Variants in FCAMR observed in about 807,000 individuals in gnomAD.
The protein encoded by FCAMR is Fc alpha and mu receptor, also known as high affinity immunoglobulin alpha and immunoglobulin mu Fc receptor.
FCAMR carries 51 observed loss-of-function variants against 52.2 expected under a neutral mutation model. The observed-to-expected ratio is 0.98, with a 90% CI of 0.78 to 1.23. The LOEUF is 1.23. FCAMR is among the 50% of genes most tolerant of loss of function. FCAMR has a pLI of 0.00. For synonymous variants in FCAMR, 282 were observed against 262.0 expected, an observed-to-expected ratio of 1.08 and a Z score of -0.74; for missense variants, 719 against 712.6, an observed-to-expected ratio of 1.01 and a Z score of -0.10.
At chr1:206,966,014 T>C in intron 3 of FCAMR, 156 bp from the exon 4 acceptor site, 1 of 949,318 alleles carries the variant, frequency 1.1e-6, no homozygotes, top group Non-Finnish European at 1.6e-6. Context: ...TCCTGCAGCT[T>C]CTCCCTCCCA....
chr1:206,961,180 C>T lies in FCAMR; in HGVS notation c.696G>A (p.Glu232=), dbSNP rs1189453584. The T allele has an allele frequency of 6.4e-7, 1 of 1,551,228 alleles. No individual in the cohort carries two copies. Among genetic ancestry groups the T allele is most frequent in the African/African-American group, 1.4e-5 (1 of 73,012 alleles). ...TLPTATPAAG[E]LTMRSYGTAS... ...CTGTTCCATAGGATCTCATGGTGAG[C>T]TCCCCAGCAGCTGGAGTGGCTGTGG... The change falls in exon 6 of 8, where the codon GAG becomes GAA. Residue 232 remains glutamate (E), a synonymous_variant. Coordinates refer to ENST00000324852, the MANE Select transcript of FCAMR (RefSeq NM_001170631.2).
Position 206,970,139 on chromosome 1 carries a change from C to G in FCAMR, c.-14G>C, listed in dbSNP as rs1381123958. 6.2e-7 allele frequency: 1 copy of G among 1,613,852 alleles called. No individual in the cohort carries two copies. The highest frequency in any genetic ancestry group is 8.5e-7 in the Non-Finnish European group (1 of 1,179,918). On this transcript the variant is annotated 5_prime_UTR_variant, in exon 1 of 8. Transcript: ENST00000324852. Reference sequence around the variant, plus strand: ...CTCTCCATCCATCTCAGTCCAGAAACAAGATCCAGGTGGACTTTTCTTCTC... The same window carrying G: ...CTCTCCATCCATCTCAGTCCAGAAAGAAGATCCAGGTGGACTTTTCTTCTC...
rs1172532036 is a variant in FCAMR at position 206,962,255 on chromosome 1, T to C, written c.610A>G (p.Asn204Asp). The C allele has an allele frequency of 3.1e-6, 5 of 1,614,156 alleles. No homozygotes were observed. The highest frequency in any genetic ancestry group is 3.4e-6 in the Non-Finnish European group (4 of 1,180,026). ...TTCATGCTTAAGAACAGCATGTTGT[T>C]TTCACTTCCAATGCCGCAGAGGTAG... The part of the protein sequence containing the change: ...GCYLCGIGSE[N>D]NMLFLSMNLT... Residue 204 changes from asparagine to aspartate, a missense_variant, in exon 5 of 8, where the codon AAC becomes GAC. By Grantham distance (23) the Asn-to-Asp change is conservative. Transcript: ENST00000324852.
In FCAMR at chr1:206,965,808, C is replaced by T; in HGVS notation, c.220G>A (p.Glu74Lys). Residue 74 changes from glutamate to lysine, a missense_variant, in exon 4 of 8, where the codon GAG (glutamate) becomes AAG (lysine). By Grantham distance (56) the Glu-to-Lys change is moderately conservative. Coordinates refer to ENST00000324852, the MANE Select transcript of FCAMR (RefSeq NM_001170631.2). ...QKRPHPRWLW[E>K]GSLPSRTHLR... ...TGGGTCCTGGAGGGGAGAGAGCCCT[C>T]CCACAGCCATCTCGGATGGGGTCTT... 2.5e-6 allele frequency: 4 copies of T among 1,601,128 alleles called. No individual in the cohort carries two copies. The highest frequency in any genetic ancestry group is 2.6e-6 in the Non-Finnish European group (3 of 1,174,516).
Position 206,958,441 on chromosome 1 carries a change from A to C in FCAMR, c.*75T>G. On this transcript the variant is annotated 3_prime_UTR_variant, in exon 8 of 8. Coordinates refer to ENST00000324852, the MANE Select transcript of FCAMR (RefSeq NM_001170631.2). ...CCACAGGTGGAGGAAGGATGATGGA[A>C]AGAGGCTGGGGTCCTGAAGGCCTTT... The C allele has an allele frequency of 7.0e-7, 1 of 1,437,318 alleles. No homozygotes were observed. The highest frequency in any genetic ancestry group is 9.3e-7 in the Non-Finnish European group (1 of 1,075,720). The allele number at this position is 1,437,318 out of a possible 1,614,324, so 89.0% of individuals were successfully genotyped here. A position where few individuals can be genotyped will look rare whatever the true frequency, so the allele number is the denominator to read the frequency against.
In FCAMR at chr1:206,959,772, A is replaced by G. The variant is rs1241218067; in HGVS notation, c.1480T>C (p.Ser494Pro). 1 of 1,614,012 alleles carries G rather than the reference A, an allele frequency of 6.2e-7. No individual in the cohort carries two copies. Among genetic ancestry groups the G allele is most frequent in the African/African-American group, 1.3e-5 (1 of 74,918 alleles). Residue 494 changes from serine (S) to proline (P), a missense_variant, in exon 7 of 8, where the codon TCT (serine) becomes CCT (proline). Coordinates refer to ENST00000324852, the MANE Select transcript of FCAMR (RefSeq NM_001170631.2). ...KRTFPEDESSSRTLAPVSTML... is the reference protein window; with the variant it reads ...KRTFPEDESSPRTLAPVSTML... Reference sequence around the variant, plus strand: ...GTAGAGACAGGAGCCAGGGTCCGAGAGCTGCTTTCATCTTCTGGAAAAGTA... The same window carrying G: ...GTAGAGACAGGAGCCAGGGTCCGAGGGCTGCTTTCATCTTCTGGAAAAGTA...
intron 3 of FCAMR, among the ~76,000 whole-genome samples, chr1:206,966,784 T>A (rs536509933): frequency 6.6e-6 from 1 of 152,332 alleles, no homozygotes; most frequent in East Asian, 1.9e-4. Flanking sequence ...ATTCATTAAT[T>A]TATTCAGTCA....
At position 206,967,098 on chromosome 1, in the gene FCAMR, C is replaced by T. The variant is rs1436942047; in HGVS notation, c.123G>A (p.Arg41=). 6.2e-7 allele frequency: 1 copy of T among 1,613,932 alleles called. No individual in the cohort carries two copies. Among genetic ancestry groups the T allele is most frequent in the Admixed American group, 1.7e-5 (1 of 60,016 alleles). Residue 41 remains arginine, a synonymous_variant, in exon 3 of 8, where the codon AGG becomes AGA. Coordinates refer to ENST00000324852, the MANE Select transcript of FCAMR (RefSeq NM_001170631.2). ...GGAAGAGGGGCATTTTCCATCCCGCCCTCCTGCTGGTGACCTGCAAAAAAC... is the reference window on the plus strand; with the variant it reads ...GGAAGAGGGGCATTTTCCATCCCGCTCTCCTGCTGGTGACCTGCAAAAAAC... The part of the protein sequence containing the change: ...TLPQSHVTSR[R]AGWKMPLFLI...
At chr1:206,960,364 A>G in intron 6 of FCAMR, 58 bp downstream of exon 6, 3 of 1,440,138 alleles carry the variant, frequency 2.1e-6, no homozygotes, top group African/African-American at 1.4e-5. Context: ...CCTCCCTTGC[A>G]TGCCAGGGAT....
intron 5 of FCAMR, among the ~76,000 whole-genome samples, chr1:206,961,841 G>A (rs115152690): frequency 8.3e-4 from 126 of 152,352 alleles, no homozygotes; most frequent in African/African-American, 2.9e-3. Context: ...CTTCTGTCCT[G>A]CCTGTCACAC....
rs1217445565 is a variant in FCAMR at position 206,958,613 on chromosome 1, G to T, written c.1637C>A (p.Ala546Glu). ...TCTTTCCACATGGGGCAGCTGGTCT[G>T]CTTGGGGGTTCACTTCCAGAAAATG... The part of the protein sequence containing the change: ...MTHFLEVNPQ[A>E]DQLPHVERKM... Residue 546 changes from alanine to glutamate, a missense_variant, in exon 8 of 8, where the codon GCA becomes GAA. By Grantham distance (107) the Ala-to-Glu change is moderately radical. Coordinates refer to ENST00000324852, the MANE Select transcript of FCAMR (RefSeq NM_001170631.2). The T allele has an allele frequency of 1.9e-6, 3 of 1,614,002 alleles. No homozygotes were observed. The highest frequency in any genetic ancestry group is 2.5e-6 in the Non-Finnish European group (3 of 1,180,034).
Position 206,970,260 on chromosome 1 carries a change from T to C in FCAMR, c.-135A>G. The C allele has an allele frequency of 1.0e-6, 1 of 981,288 alleles. No individual in the cohort carries two copies. The allele number at this position is 981,288 out of a possible 1,614,324, so 60.8% of individuals were successfully genotyped here. ...TGGTATTTTGGAAAGCAGCTGGAGCTAGCAACGGAAGGTCGGGGTGCAAGG... is the reference window on the plus strand; with the variant it reads ...TGGTATTTTGGAAAGCAGCTGGAGCCAGCAACGGAAGGTCGGGGTGCAAGG... On this transcript the variant is annotated 5_prime_UTR_variant, in exon 1 of 8. Transcript: ENST00000324852.
chr1:206,967,789 T>G, intron 1 of FCAMR, 138 bp from the exon 2 acceptor site: 1 of 741,010 alleles, frequency 1.3e-6, no homozygotes, highest in Admixed American at 2.4e-5. Context: ...TTCTGTTTCT[T>G]CTCCACAACT....
intron 2 of FCAMR, 108 bp downstream of exon 2, chr1:206,967,475 T>C: frequency 8.0e-7 from 1 of 1,243,332 alleles, no homozygotes; most frequent in Non-Finnish European, 1.2e-6. Flanking sequence ...ACGTTTGAAG[T>C]CCAAACTCTA....
chr1:206,966,876 C>T (rs868041215), intron 3 of FCAMR, among the ~76,000 whole-genome samples, 176 bp downstream of exon 3: 1 of 152,246 alleles, frequency 6.6e-6, no homozygotes, highest in Middle Eastern at 3.4e-3. Context: ...CTCAATGGTT[C>T]CCTATTACCA....
At chr1:206,966,028 C>T in intron 3 of FCAMR, 170 bp from the exon 4 acceptor site, 1 of 833,556 alleles carries the variant, frequency 1.2e-6, no homozygotes, top group Non-Finnish European at 1.9e-6. Flanking sequence ...CCTCCCACTG[C>T]TACCACCTTG....
chr1:206,966,378 A>G (rs1680707710), intron 3 of FCAMR, among the ~76,000 whole-genome samples: 1 of 152,026 alleles, frequency 6.6e-6, no homozygotes, highest in Admixed American at 6.6e-5. Context: ...AATATTGGCT[A>G]CATTTTTTGT....
chr1:206,959,928 C>T, intron 6 of FCAMR, 131 bp from the exon 7 acceptor site: 1 of 709,028 alleles, frequency 1.4e-6, no homozygotes, highest in South Asian at 1.6e-5. Context: ...GCCCTGGTTC[C>T]CATGGCTGGT....
chr1:206,967,451 G>A lies in FCAMR; in HGVS notation c.108+132C>T, dbSNP rs1330065331. Reference sequence around the variant, plus strand: ...GCTCTGAGTTTGTGGGGAGCACCGTGTAGTGGAAAGGCCACGTTTGAAGTC... The same window carrying A: ...GCTCTGAGTTTGTGGGGAGCACCGTATAGTGGAAAGGCCACGTTTGAAGTC... On this transcript the variant is annotated intron_variant, in intron 2 of 7. Coordinates refer to ENST00000324852, the MANE Select transcript of FCAMR (RefSeq NM_001170631.2). The A allele has an allele frequency of 5.3e-6, 5 of 944,138 alleles. No individual in the cohort carries two copies. In the East Asian group the frequency reaches 1.2e-4, roughly 23 times the overall value. 58.5% of individuals were successfully genotyped at this position (944,138 alleles called of 1,614,324 possible).
Sources: gnomAD v4.1 joint callset for allele counts (sites outside exome capture counted in the v4.1 genomes callset) on GRCh38, gnomAD v4.1.1 for gene constraint, MANE v1.5 for transcripts, NCBI Gene and HGNC (gene_info 2026-07-23, HGNC 2026-07-21) for gene names.